CCDC3: variants seen among roughly 807,000 people sequenced by gnomAD.
The protein encoded by CCDC3 is coiled-coil domain containing 3.
A neutral mutation model predicts 21.4 loss-of-function variants in CCDC3; 24 were observed. The ratio of observed to expected loss-of-function variants is 1.12; its 90% CI spans 0.81 to 1.58. The LOEUF is 1.58. Among genes scored for constraint, CCDC3 ranks in the 40% most tolerant of loss-of-function variants. The probability of loss-of-function intolerance (pLI) is 0.00; values close to 1 mark genes in which losing one functional copy is unlikely to be tolerated. For synonymous variants in CCDC3, 186 were observed against 166.0 expected, an observed-to-expected ratio of 1.12 and a Z score of -0.93; for missense variants, 425 against 360.9, an observed-to-expected ratio of 1.18 and a Z score of -1.44.
chr10:12,902,689 AGAG>A (rs1370440964), intron 2 of CCDC3, among the ~76,000 whole-genome samples: 2 of 152,322 alleles, frequency 1.3e-5, no homozygotes, highest in Admixed American at 6.5e-5. Flanking sequence ...CGTGAAAAAT[AGAG>A]GAGGATGCTG....
At chr10:13,031,132 T>C (rs1302038176) in intron 5 of CCDC3, among the ~76,000 whole-genome samples, 1 of 152,004 alleles carries the variant, frequency 6.6e-6, no homozygotes, top group East Asian at 1.9e-4. Context: ...GAACAGAAAT[T>C]ATAACAAACT....
intron 3 of CCDC3, among the ~76,000 whole-genome samples, chr10:13,095,793 C>T (rs1588424216): frequency 6.6e-6 from 1 of 152,172 alleles, no homozygotes; most frequent in African/African-American, 2.4e-5. Context: ...ATAAAATTCA[C>T]CCCATTTGTA....
At chr10:12,952,720 T>G (rs575481232) in intron 2 of CCDC3, among the ~76,000 whole-genome samples, 1 of 152,322 alleles carries the variant, frequency 6.6e-6, no homozygotes, top group South Asian at 2.1e-4. Context: ...CCAGTCATTT[T>G]GGGAGCCCAG....
At position 13,018,652 on chromosome 10, in the gene CCDC3, CG is replaced by C. The variant is rs543843489; in HGVS notation, c.-1-20141del. Reference sequence around the variant, plus strand: ...GGACTATTGAAAAATGAATAGAGGCCGGGCACAGTGGCTCATGCCTGTAATC... The same window carrying C: ...GGACTATTGAAAAATGAATAGAGGCCGGCACAGTGGCTCATGCCTGTAATC... On this transcript the variant is annotated intron_variant, in intron 5 of 6. Transcript: ENST00000378839. 3.8e-4 allele frequency among the ~76,000 whole-genome samples: 58 copies of C among 152,212 alleles called. No homozygotes were observed. The East Asian group carries it at 0.01, about 27-fold the overall frequency.
intron 5 of CCDC3, among the ~76,000 whole-genome samples, chr10:13,032,155 G>T (rs1836313487): frequency 7.0e-6 from 1 of 142,840 alleles, no homozygotes; most frequent in Non-Finnish European, 1.5e-5. Flanking sequence ...AATCAAATTG[G>T]CTTCATCCCT....
chr10:13,033,534 T>G (rs1449839215), intron 5 of CCDC3, among the ~76,000 whole-genome samples: 3 of 152,094 alleles, frequency 2.0e-5, no homozygotes, highest in Non-Finnish European at 4.4e-5. Flanking sequence ...CAAAAGAAAC[T>G]ACCATCAGAG....
chr10:13,023,289 G>A (rs1018990336), intron 5 of CCDC3, among the ~76,000 whole-genome samples: 10 of 152,052 alleles, frequency 6.6e-5, no homozygotes, highest in Admixed American at 5.2e-4. Context: ...CAATTCTGTT[G>A]GTTGATTAGG....
chr10:13,001,783 C>T (rs1327187689), upstream of CCDC3: 3 of 184,296 alleles, frequency 1.6e-5, no homozygotes, highest in East Asian at 1.8e-4. Flanking sequence ...CGCCTCCCGC[C>T]CTGCCCCCTG....
At chr10:12,912,240 CCCA>C (rs1268737136) in intron 2 of CCDC3, among the ~76,000 whole-genome samples, 1 of 152,170 alleles carries the variant, frequency 6.6e-6, no homozygotes, top group African/African-American at 2.4e-5. Flanking sequence ...AATTTACATT[CCCA>C]CCAAGTGCAC....
rs547975061 is a variant in CCDC3 at position 13,043,466 on chromosome 10, G to A, written c.-2+6208C>T. On this transcript the variant is annotated intron_variant, in intron 5 of 6. Coordinates refer to the CCDC3 transcript ENST00000378839. ...AACTTAGCCAGGCGTGGTGATGTGC[G>A]CCTGTAGTCGCAGCTACTCGAGAGG... 1.1e-4 allele frequency among the ~76,000 whole-genome samples: 17 copies of A among 152,204 alleles called. No individual in the cohort carries two copies. The South Asian group carries it at 1.9e-3, about 17-fold the overall frequency.
chr10:13,093,616 C>T (rs1832601230), intron 3 of CCDC3, among the ~76,000 whole-genome samples: 1 of 151,960 alleles, frequency 6.6e-6, no homozygotes, highest in Non-Finnish European at 1.5e-5. Flanking sequence ...AAGAGGTTAT[C>T]TATCTTAGCC....
intron 4 of CCDC3, among the ~76,000 whole-genome samples, chr10:13,061,692 T>C (rs1836759755): frequency 6.6e-6 from 1 of 152,176 alleles, no homozygotes; most frequent in Non-Finnish European, 1.5e-5. Context: ...AGGCTACAGA[T>C]AAACTTAAAC....
At chr10:12,970,570 TAATTA>T (rs750752441) in intron 2 of CCDC3, among the ~76,000 whole-genome samples, 26 of 152,200 alleles carry the variant, frequency 1.7e-4, no homozygotes, top group Non-Finnish European at 3.2e-4. Context: ...AACTTTTACT[TAATTA>T]AATAAATTAA....
intron 2 of CCDC3, among the ~76,000 whole-genome samples, chr10:12,930,731 A>G (rs1259741775): frequency 6.6e-6 from 1 of 152,180 alleles, no homozygotes; most frequent in Non-Finnish European, 1.5e-5. Flanking sequence ...GAGACCAAAG[A>G]TGCTACTAAC....
At chr10:12,947,941 T>C (rs900005313) in intron 2 of CCDC3, among the ~76,000 whole-genome samples, 7 of 152,184 alleles carry the variant, frequency 4.6e-5, no homozygotes, top group African/African-American at 2.4e-5. Flanking sequence ...CCAAGATGTC[T>C]CACCTATTAA....
At chr10:12,916,720 G>C (rs899858600) in intron 2 of CCDC3, among the ~76,000 whole-genome samples, 4 of 152,204 alleles carry the variant, frequency 2.6e-5, no homozygotes, top group African/African-American at 9.6e-5. Context: ...GCTCACATCT[G>C]ATCTGGAACC....
intron 2 of CCDC3, among the ~76,000 whole-genome samples, chr10:12,956,303 A>C (rs1414861064): frequency 5.9e-5 from 9 of 152,046 alleles, no homozygotes; most frequent in Admixed American, 1.3e-4. Context: ...GGCCAATTAC[A>C]CTCTTCAGAC....
intron 4 of CCDC3, among the ~76,000 whole-genome samples, chr10:13,063,049 G>GCAATAGAGAAAGAGTAATTCACACAGA (rs1588411681): frequency 6.7e-6 from 1 of 150,026 alleles, no homozygotes; most frequent in African/African-American, 2.5e-5. Flanking sequence ...CTGGCTCACT[G>GCAATAGAGAAAGAGTAATTCACACAGA]GCTTACCAAT....
chr10:13,050,649 C>A (rs919377604), intron 4 of CCDC3, among the ~76,000 whole-genome samples: 2 of 151,682 alleles, frequency 1.3e-5, no homozygotes, highest in Non-Finnish European at 2.9e-5. Context: ...TTAGTAGAGA[C>A]GGGGTTTCAC....
Sources: gnomAD v4.1 joint callset for allele counts (sites outside exome capture counted in the v4.1 genomes callset) on GRCh38, gnomAD v4.1.1 for gene constraint, MANE v1.5 for transcripts, NCBI Gene and HGNC (gene_info 2026-07-23, HGNC 2026-07-21) for gene names.